Variants in KCNIP4 observed in about 807,000 individuals in gnomAD.
KCNIP4 encodes the protein potassium voltage-gated channel interacting protein 4, also known as Kv channel-interacting protein 4.
A neutral mutation model predicts 34.0 loss-of-function variants in KCNIP4; 12 were observed. That is an observed-to-expected ratio of 0.35 (90% confidence interval 0.23 to 0.57). The LOEUF (loss-of-function observed/expected upper bound fraction) is 0.57. Among genes scored for constraint, KCNIP4 ranks in the 20% least tolerant of loss-of-function variants. The probability of loss-of-function intolerance (pLI) is 0.83; values close to 1 mark genes in which losing one functional copy is unlikely to be tolerated. For synonymous variants in KCNIP4, 124 were observed against 102.2 expected, an observed-to-expected ratio of 1.21 and a Z score of -1.29; for missense variants, 238 against 311.7, an observed-to-expected ratio of 0.76 and a Z score of 1.78.
At chr4:21,725,436 G>A (rs868840342) in intron 1 of KCNIP4, among the ~76,000 whole-genome samples, 9 of 152,102 alleles carry the variant, frequency 5.9e-5, no homozygotes, top group South Asian at 4.1e-4. Context: ...GCAGCAAAAC[G>A]AAGTAAGGCC....
At chr4:21,786,047 C>T (rs1328746542) in intron 1 of KCNIP4, among the ~76,000 whole-genome samples, 1 of 152,208 alleles carries the variant, frequency 6.6e-6, no homozygotes, top group Non-Finnish European at 1.5e-5. Context: ...CTCTCGATTT[C>T]AAGCGATTCC....
rs73802310 is a variant in KCNIP4 at position 20,753,764 on chromosome 4, A to G, written c.359-4032T>C. ...TTGTTAGAAATACTGTCCTAGGACAAGAAGGATACTCAGTGGGTGAAGTCT... is the reference window on the plus strand; with the variant it reads ...TTGTTAGAAATACTGTCCTAGGACAGGAAGGATACTCAGTGGGTGAAGTCT... On this transcript the variant is annotated intron_variant, in intron 4 of 8. Coordinates refer to ENST00000382152, the MANE Select transcript of KCNIP4 (RefSeq NM_025221.6). Among the ~76,000 whole-genome samples the G allele has an allele frequency of 4.8e-3, 737 of 152,336 alleles. 6 individuals carry two copies. The highest frequency in any genetic ancestry group is 0.016 in the African/African-American group (681 of 41,578).
chr4:20,762,563 T>G (rs1177436986), intron 3 of KCNIP4, among the ~76,000 whole-genome samples: 1 of 152,260 alleles, frequency 6.6e-6, no homozygotes, highest in East Asian at 1.9e-4. Context: ...TTCTGTGCAG[T>G]GATCTCTCCA....
At chr4:21,214,219 T>A (rs940398684) in intron 1 of KCNIP4, among the ~76,000 whole-genome samples, 6 of 152,210 alleles carry the variant, frequency 3.9e-5, no homozygotes, top group Non-Finnish European at 7.3e-5. Context: ...TCTGAAACAA[T>A]GTGTATGTGT....
chr4:21,152,658 C>T (rs183772805), intron 1 of KCNIP4, among the ~76,000 whole-genome samples: 27 of 152,120 alleles, frequency 1.8e-4, no homozygotes, highest in African/African-American at 5.5e-4. Flanking sequence ...GTCCCCAATC[C>T]CCAGGCCACA....
chr4:21,370,342 T>G (rs1720216812), intron 1 of KCNIP4, among the ~76,000 whole-genome samples: 1 of 146,804 alleles, frequency 6.8e-6, no homozygotes, highest in Non-Finnish European at 1.5e-5. Context: ...TGAGGGTCCA[T>G]TACATGTCAG....
chr4:21,396,345 C>T (rs937311319), intron 1 of KCNIP4, among the ~76,000 whole-genome samples: 3 of 151,610 alleles, frequency 2.0e-5, no homozygotes, highest in African/African-American at 7.3e-5. Context: ...CACCTCAGGT[C>T]AGGAGTTTGA....
At chr4:21,895,571 C>T (rs1355558315) in intron 1 of KCNIP4, among the ~76,000 whole-genome samples, 2 of 152,252 alleles carry the variant, frequency 1.3e-5, no homozygotes, top group African/African-American at 4.8e-5. Flanking sequence ...AATAAGTCCA[C>T]ACATTTAAGG....
At chr4:21,705,536 A>G (rs1402229280) in intron 1 of KCNIP4, among the ~76,000 whole-genome samples, 1 of 152,134 alleles carries the variant, frequency 6.6e-6, no homozygotes, top group Non-Finnish European at 1.5e-5. Flanking sequence ...ACATGAGTGA[A>G]CCCAATAGAC....
chr4:21,034,890 G>A (rs1041937472), intron 1 of KCNIP4, among the ~76,000 whole-genome samples: 1 of 152,168 alleles, frequency 6.6e-6, no homozygotes, highest in Non-Finnish European at 1.5e-5. Context: ...AACGTACATT[G>A]CTGGACAGCT....
intron 1 of KCNIP4, among the ~76,000 whole-genome samples, chr4:21,654,098 T>G (rs190678839): frequency 1.3e-5 from 2 of 152,344 alleles, no homozygotes; most frequent in East Asian, 3.9e-4. Flanking sequence ...AGCTTTATAA[T>G]GAAAATCAGA....
chr4:20,920,706 T>C (rs1035018865), intron 1 of KCNIP4, among the ~76,000 whole-genome samples: 2 of 152,066 alleles, frequency 1.3e-5, no homozygotes, highest in African/African-American at 2.4e-5. Context: ...AAAGATAAGC[T>C]TGGGGCCGGG....
chr4:21,233,968 TTATATAACA>T (rs1412780498), intron 1 of KCNIP4, among the ~76,000 whole-genome samples: 1 of 136,684 alleles, frequency 7.3e-6, no homozygotes, highest in Non-Finnish European at 1.5e-5. Context: ...ATAACATATA[TTATATAACA>T]TATATAACAT....
chr4:21,735,081 A>G (rs1560675252), intron 1 of KCNIP4, among the ~76,000 whole-genome samples: 1 of 152,224 alleles, frequency 6.6e-6, no homozygotes, highest in Non-Finnish European at 1.5e-5. Context: ...GAGAAATTCA[A>G]CAGTGAGATA....
At chr4:21,940,844 T>C (rs952288265) in intron 1 of KCNIP4, among the ~76,000 whole-genome samples, 1 of 152,192 alleles carries the variant, frequency 6.6e-6, no homozygotes, top group Non-Finnish European at 1.5e-5. Context: ...GTTAGTTCTA[T>C]ATTATTTTAG....
intron 1 of KCNIP4, among the ~76,000 whole-genome samples, chr4:21,637,175 G>A (rs562426417): frequency 6.6e-6 from 1 of 152,184 alleles, no homozygotes; most frequent in East Asian, 1.9e-4. Flanking sequence ...GCTCCTAAAT[G>A]TCAAACACTT....
intron 1 of KCNIP4, among the ~76,000 whole-genome samples, chr4:21,758,567 T>C (rs1717822018): frequency 6.6e-6 from 1 of 152,224 alleles, no homozygotes. Context: ...TAGGCATACT[T>C]TGTTCTTTGT....
At chr4:21,610,138 G>C (rs150368179) in intron 1 of KCNIP4, among the ~76,000 whole-genome samples, 1 of 152,318 alleles carries the variant, frequency 6.6e-6, no homozygotes, top group Admixed American at 6.5e-5. Flanking sequence ...CATGCCCTTC[G>C]GGCAATTTAT....
intron 1 of KCNIP4, among the ~76,000 whole-genome samples, chr4:21,216,077 C>T (rs1458610844): frequency 1.3e-5 from 2 of 152,252 alleles, no homozygotes; most frequent in South Asian, 2.1e-4. Context: ...AGGCATGAGC[C>T]ACCACGCCCA....
Sources: gnomAD v4.1 joint callset for allele counts (sites outside exome capture counted in the v4.1 genomes callset) on GRCh38, gnomAD v4.1.1 for gene constraint, MANE v1.5 for transcripts, NCBI Gene and HGNC (gene_info 2026-07-23, HGNC 2026-07-21) for gene names.